The following SCMH1 variants were observed in gnomAD, a reference collection of about 807,000 sequenced individuals.
SCMH1 encodes Scm polycomb group protein homolog 1, also known as polycomb protein SCMH1.
A neutral mutation model predicts 70.8 loss-of-function variants in SCMH1; 37 were observed. The ratio of observed to expected loss-of-function variants is 0.52; its 90% CI spans 0.40 to 0.69. SCMH1 has a LOEUF of 0.69. SCMH1 is among the 30% of genes least tolerant of loss of function. The probability of loss-of-function intolerance (pLI) is 0.00; values close to 1 mark genes in which losing one functional copy is unlikely to be tolerated. For synonymous variants in SCMH1, 292 were observed against 307.4 expected (o/e 0.95, Z 0.52); for missense variants, 607 against 827.3 (o/e 0.73, Z 3.27).
In SCMH1 at chr1:41,117,017, C is replaced by G. The variant is rs1262287448; in HGVS notation, c.413-7G>C. 6.2e-7 allele frequency: 1 copy of G among 1,603,118 alleles called. No individual in the cohort carries two copies. The highest frequency in any genetic ancestry group is 8.5e-7 in the Non-Finnish European group (1 of 1,174,526). ...GACGCATTCAGCCGAAATCCTGCAG[C>G]AAGCATAATGGGCAACAGATTAAAA... On this transcript the variant is annotated splice_region_variant and splice_polypyrimidine_tract_variant and intron_variant, in intron 6 of 14. Transcript: ENST00000337495.
In SCMH1 at chr1:41,194,635, C is replaced by A. The variant is rs184466118; in HGVS notation, c.-117-8385G>T. On this transcript the variant is annotated intron_variant, in intron 1 of 14. Coordinates refer to ENST00000337495, the Ensembl canonical transcript of SCMH1. ...GACTCTTTTGGATAGAGCTATAGGTCATTACACAATAATAGGTAAACTAGA... is the reference window on the plus strand; with the variant it reads ...GACTCTTTTGGATAGAGCTATAGGTAATTACACAATAATAGGTAAACTAGA... Among the ~76,000 whole-genome samples, 654 of 152,222 alleles carry A rather than the reference C, an allele frequency of 4.3e-3. 2 individuals carry two copies. Among genetic ancestry groups the A allele is most frequent in the African/African-American group, 0.015 (607 of 41,524 alleles).
At chr1:41,154,768 T>C (rs1297719325) in intron 4 of SCMH1, among the ~76,000 whole-genome samples, 2 of 152,240 alleles carry the variant, frequency 1.3e-5, no homozygotes, top group Non-Finnish European at 2.9e-5. Context: ...AATTTAAACA[T>C]ATATAATGTG....
At chr1:41,196,561 A>T (rs551820675) in intron 1 of SCMH1, among the ~76,000 whole-genome samples, 64 of 152,316 alleles carry the variant, frequency 4.2e-4, no homozygotes, top group African/African-American at 1.5e-3. Flanking sequence ...TTTATCAATG[A>T]CCTAAATAAA....
At chr1:41,190,382 G>C (rs1262002548) in intron 1 of SCMH1, among the ~76,000 whole-genome samples, 1 of 152,180 alleles carries the variant, frequency 6.6e-6, no homozygotes, top group Non-Finnish European at 1.5e-5. Flanking sequence ...GGAAGCTATA[G>C]GTAGATAGAC....
chr1:41,064,756 A>T (rs1203270295), intron 10 of SCMH1, among the ~76,000 whole-genome samples: 3 of 150,414 alleles, frequency 2.0e-5, no homozygotes, highest in East Asian at 2.0e-4. Flanking sequence ...CTATAAAAAA[A>T]ATAAAAATAA....
chr1:41,227,890 A>C (rs547951408), intron 1 of SCMH1, among the ~76,000 whole-genome samples: 1 of 152,316 alleles, frequency 6.6e-6, no homozygotes, highest in Admixed American at 6.5e-5. Context: ...AGGGAGGAGA[A>C]TCATGTGAAC....
chr1:41,146,969 TC>T (rs1274174856), intron 5 of SCMH1, among the ~76,000 whole-genome samples: 1 of 152,098 alleles, frequency 6.6e-6, no homozygotes, highest in East Asian at 1.9e-4. Flanking sequence ...ATTTGTTAGT[TC>T]CTCCCCCACC....
intron 10 of SCMH1, among the ~76,000 whole-genome samples, chr1:41,053,837 TTTTTG>T (rs1316237822): frequency 1.6e-4 from 24 of 151,878 alleles, no homozygotes; most frequent in African/African-American, 5.6e-4. Context: ...AAAGGTTTTT[TTTTTG>T]TTTTGTTTTT....
chr1:41,036,632 C>T (rs911624248), intron 13 of SCMH1, among the ~76,000 whole-genome samples: 1 of 152,184 alleles, frequency 6.6e-6, no homozygotes, highest in South Asian at 2.1e-4. Context: ...AAACAAAAAC[C>T]TGTCTTGCCT....
intron 1 of SCMH1, among the ~76,000 whole-genome samples, chr1:41,191,598 A>G (rs551405077): frequency 3.3e-5 from 5 of 152,294 alleles, no homozygotes; most frequent in Non-Finnish European, 7.3e-5. Flanking sequence ...TTTGGAAGAA[A>G]TGTTGAAAGT....
At chr1:41,102,173 A>G (rs898843325) in intron 8 of SCMH1, among the ~76,000 whole-genome samples, 3 of 151,416 alleles carry the variant, frequency 2.0e-5, no homozygotes, top group African/African-American at 7.3e-5. Context: ...ATGCACACGC[A>G]TGTGTGTGTG....
At chr1:41,062,370 G>A (rs1490885640) in intron 10 of SCMH1, among the ~76,000 whole-genome samples, 14 of 151,956 alleles carry the variant, frequency 9.2e-5, no homozygotes, top group Non-Finnish European at 1.6e-4. Flanking sequence ...TTGGGAGGCC[G>A]AGGTGGGTGG....
chr1:41,070,057 T>C (rs574438508), intron 10 of SCMH1, among the ~76,000 whole-genome samples: 3 of 152,328 alleles, frequency 2.0e-5, no homozygotes, highest in South Asian at 4.1e-4. Context: ...CTTGGAAGGC[T>C]GTGTATCTGC....
At chr1:41,167,297 C>G (rs1646471744) in intron 2 of SCMH1, among the ~76,000 whole-genome samples, 1 of 152,074 alleles carries the variant, frequency 6.6e-6, no homozygotes. Context: ...TCTTTTTCTT[C>G]TTACCATTCA....
intron 5 of SCMH1, among the ~76,000 whole-genome samples, chr1:41,146,738 C>G (rs191924078): frequency 6.6e-6 from 1 of 152,072 alleles, no homozygotes; most frequent in South Asian, 2.1e-4. Context: ...TATGTTCACA[C>G]GACGATGAAA....
intron 2 of SCMH1, among the ~76,000 whole-genome samples, chr1:41,181,326 A>C (rs1648694938): frequency 6.6e-6 from 1 of 152,232 alleles, no homozygotes; most frequent in Admixed American, 6.5e-5. Context: ...AGCAATGGCA[A>C]CAAAAGCCAA....
rs192536404 is a variant in SCMH1 at position 41,116,400 on chromosome 1, C to T, written c.501+522G>A. On this transcript the variant is annotated intron_variant, in intron 7 of 14. Coordinates refer to ENST00000337495, the Ensembl canonical transcript of SCMH1. ...TACAGGTTTTGGATCCCTGTTCTGC[C>T]GCTTACTAGCCACGTGATCTTGAGC... Among the ~76,000 whole-genome samples, 470 of 152,250 alleles carry T rather than the reference C, an allele frequency of 3.1e-3. 1 individual carries two copies. The highest frequency in any genetic ancestry group is 5.5e-3 in the Non-Finnish European group (374 of 68,018).
At chr1:41,049,120 A>G (rs1319870934) in intron 10 of SCMH1, among the ~76,000 whole-genome samples, 1 of 152,236 alleles carries the variant, frequency 6.6e-6, no homozygotes, top group Non-Finnish European at 1.5e-5. Context: ...AGACTGGAAG[A>G]GTGGCCCAGA....
chr1:41,175,650 A>G (rs1647066842), intron 2 of SCMH1, among the ~76,000 whole-genome samples: 2 of 152,182 alleles, frequency 1.3e-5, no homozygotes. Context: ...ATACTCAATT[A>G]AGGGTGCTTT....
Sources: gnomAD v4.1 joint callset for allele counts (sites outside exome capture counted in the v4.1 genomes callset) on GRCh38, gnomAD v4.1.1 for gene constraint, MANE v1.5 for transcripts, NCBI Gene and HGNC (gene_info 2026-07-23, HGNC 2026-07-21) for gene names.